Variants in ATAD2B observed in about 807,000 individuals in gnomAD.
The protein encoded by ATAD2B is ATPase family AAA domain containing 2B, also known as ATPase family AAA domain-containing protein 2B.
Under a neutral mutation model 167.6 loss-of-function variants are expected in ATAD2B, and 40 were observed. The ratio of observed to expected loss-of-function variants is 0.24; its 90% CI spans 0.19 to 0.31. ATAD2B has a LOEUF of 0.31. ATAD2B is among the 10% of genes least tolerant of loss of function. The pLI is 1.00. For missense variants in ATAD2B, 1,242 were observed against 1,757.2 expected (o/e 0.71, Z 5.24); for synonymous variants, 579 against 596.5 (o/e 0.97, Z 0.43).
intron 8 of ATAD2B, chr2:23,872,413 C>A: frequency 1.4e-6 from 1 of 711,936 alleles, no homozygotes; most frequent in Non-Finnish European, 2.6e-6. Flanking sequence ...TTCAGAGAGA[C>A]CATCCAAATG....
downstream of ATAD2B, among the ~76,000 whole-genome samples, chr2:23,743,906 G>A (rs1318046718): frequency 6.6e-6 from 1 of 152,044 alleles, no homozygotes; most frequent in African/African-American, 2.4e-5. Flanking sequence ...GAATAAAGGC[G>A]TGCTGGGTTC....
rs1200308411 is a variant in ATAD2B, at chr2:23,880,764, CCACA to C, written c.785-13_785-10del. On this transcript the variant is annotated splice_polypyrimidine_tract_variant and intron_variant, in intron 6 of 27. Transcript: ENST00000238789. ...ATCCTCCTCTTGAGATTCTAGTTTC[CCACA>C]CACAAAAAGAAAAGAAAAAGGCATT... 1 of 1,502,280 alleles carries C rather than the reference CCACA, an allele frequency of 6.7e-7. No homozygotes were observed. Among genetic ancestry groups the C allele is most frequent in the Non-Finnish European group, 9.2e-7 (1 of 1,087,894 alleles). 93.1% of individuals were successfully genotyped at this position (1,502,280 alleles called of 1,614,324 possible).
chr2:23,801,005 C>G (rs1224347242), intron 18 of ATAD2B, among the ~76,000 whole-genome samples: 2 of 152,072 alleles, frequency 1.3e-5, no homozygotes, highest in African/African-American at 2.4e-5. Context: ...TCTCCTAAGT[C>G]TTTAGAGGAA....
chr2:23,880,614 A>G (rs1194425589), intron 7 of ATAD2B, 25 bp downstream of exon 7: 9 of 1,390,668 alleles, frequency 6.5e-6, no homozygotes, highest in African/African-American at 1.4e-5. Flanking sequence ...TACCAGAAAG[A>G]AAAAAGTTAT....
the ATAD2B span, among the ~76,000 whole-genome samples, chr2:23,734,304 G>A: frequency 1.3e-5 from 2 of 152,018 alleles, no homozygotes; most frequent in African/African-American, 2.4e-5. Flanking sequence ...CTACAGGCAC[G>A]TGTCACCACG....
At chr2:23,834,949 C>T (rs1371706809) in intron 13 of ATAD2B, among the ~76,000 whole-genome samples, 2 of 152,190 alleles carry the variant, frequency 1.3e-5, no homozygotes, top group African/African-American at 4.8e-5. Context: ...TCTCCAAAGA[C>T]GATACACAAA....
At position 23,847,822 on chromosome 2, in the gene ATAD2B, T is replaced by C. The variant is rs1361546813; in HGVS notation, c.1568+9593A>G. Among the ~76,000 whole-genome samples, 7 of 137,480 alleles carry C rather than the reference T, an allele frequency of 5.1e-5. No homozygotes were observed. The East Asian group carries it at 1.5e-3, about 29-fold the overall frequency. The allele number at this position is 137,480 out of a possible 152,430, so 90.2% of individuals were successfully genotyped here. On this transcript the variant is annotated intron_variant, in intron 13 of 27. Transcript: ENST00000238789. ...TAATATGGTAAAACCCCATCTCTACTAAAAAAAAAAAAATACAAAAATTAG... is the reference window on the plus strand; with the variant it reads ...TAATATGGTAAAACCCCATCTCTACCAAAAAAAAAAAAATACAAAAATTAG...
At chr2:23,848,088 T>G (rs911119932) in intron 13 of ATAD2B, among the ~76,000 whole-genome samples, 2 of 151,456 alleles carry the variant, frequency 1.3e-5, no homozygotes, top group African/African-American at 4.8e-5. Flanking sequence ...ATAAAGAAAC[T>G]GATACTAACT....
chr2:23,887,757 T>C, intron 4 of ATAD2B, 75 bp downstream of exon 4: 1 of 1,336,676 alleles, frequency 7.5e-7, no homozygotes, highest in Non-Finnish European at 1.0e-6. Context: ...TCGTTGCTTA[T>C]GTTATTTTTT....
intron 13 of ATAD2B, among the ~76,000 whole-genome samples, chr2:23,855,170 G>A (rs1693189580): frequency 6.8e-6 from 1 of 147,502 alleles, no homozygotes; most frequent in Admixed American, 6.8e-5. Flanking sequence ...CTCCAACAGG[G>A]CAACAGAGCA....
intron 22 of ATAD2B, among the ~76,000 whole-genome samples, chr2:23,780,711 C>A (rs927169912): frequency 6.6e-6 from 1 of 152,008 alleles, no homozygotes; most frequent in African/African-American, 2.4e-5. Flanking sequence ...ACCAGCCTGG[C>A]CAACATGATG....
chr2:23,732,542 T>C, the ATAD2B span, among the ~76,000 whole-genome samples: 190 of 152,340 alleles, frequency 1.2e-3, no homozygotes, highest in African/African-American at 4.5e-3. Flanking sequence ...GATTAACCTA[T>C]ACATTTGTTT....
At chr2:23,765,314 A>G (rs1677261833) in intron 23 of ATAD2B, among the ~76,000 whole-genome samples, 192 bp downstream of exon 23, 2 of 152,244 alleles carry the variant, frequency 1.3e-5, no homozygotes, top group African/African-American at 4.8e-5. Flanking sequence ...TATCACACTA[A>G]AACTTTCACA....
At chr2:23,804,661 C>T (rs2712063) in intron 18 of ATAD2B, among the ~76,000 whole-genome samples, 3 of 141,638 alleles carry the variant, frequency 2.1e-5, no homozygotes, top group Non-Finnish European at 3.0e-5. Context: ...AATCATGCCA[C>T]GAAAAAAATC....
At chr2:23,745,422 A>AAGGGAAGGGAAGGGAAGGGAAGGGAAGGG (rs1491261605), downstream of ATAD2B, among the ~76,000 whole-genome samples, 2 of 85,064 alleles carry the variant, frequency 2.4e-5, no homozygotes, top group East Asian at 3.0e-4. Flanking sequence ...GGAAGGAAGG[A>AAGGGAAGGGAAGGGAAGGGAAGGGAAGGG]AAGGGAAGGG....
At chr2:23,782,822 G>C (rs764182796) in intron 22 of ATAD2B, 47 bp downstream of exon 22, 6 of 1,497,798 alleles carry the variant, frequency 4.0e-6, no homozygotes, top group Non-Finnish European at 4.6e-6. Context: ...ACGGTAAACT[G>C]TCTTCTGATT....
intron 14 of ATAD2B, among the ~76,000 whole-genome samples, chr2:23,829,957 AAAAC>A (rs1381146154): frequency 6.6e-6 from 1 of 151,278 alleles, no homozygotes; most frequent in Non-Finnish European, 1.5e-5. Flanking sequence ...TCTTGCTTCC[AAAAC>A]AAACAGAAAT....
At chr2:23,704,523 T>C in the ATAD2B span, among the ~76,000 whole-genome samples, 2 of 152,142 alleles carry the variant, frequency 1.3e-5, no homozygotes, top group Non-Finnish European at 2.9e-5. Flanking sequence ...TCCCAGCACT[T>C]TGGGAGGCCG....
chr2:23,888,232 G>C, intron 3 of ATAD2B, 118 bp downstream of exon 3: 1 of 766,856 alleles, frequency 1.3e-6, no homozygotes, highest in Non-Finnish European at 2.1e-6. Flanking sequence ...CTGAAATTCA[G>C]CCATTTCCAA....
Sources: allele counts gnomAD v4.1 joint callset (sites outside exome capture counted in the v4.1 genomes callset), GRCh38; gene constraint gnomAD v4.1.1; transcripts MANE v1.5; gene names NCBI Gene and HGNC (gene_info 2026-07-23, HGNC 2026-07-21).